The following THAP9 variants were observed in gnomAD, a reference collection of about 807,000 sequenced individuals.
THAP9 encodes the protein THAP domain containing 9.
A neutral mutation model predicts 35.7 loss-of-function variants in THAP9; 20 were observed. The ratio of observed to expected loss-of-function variants is 0.56; its 90% CI spans 0.39 to 0.81. The LOEUF is 0.81. Ranked by LOEUF, THAP9 falls within the 40% of genes least tolerant of loss-of-function variation. The pLI, the probability that THAP9 is intolerant of heterozygous loss-of-function variation, is 0.00. For missense variants in THAP9, 870 were observed against 1,047.4 expected, an observed-to-expected ratio of 0.83 and a Z score of 2.34; for synonymous variants, 335 against 373.7, an observed-to-expected ratio of 0.90 and a Z score of 1.19.
chr4:82,909,543 T>C (rs1309699566), intron 4 of THAP9, among the ~76,000 whole-genome samples: 2 of 152,156 alleles, frequency 1.3e-5, no homozygotes, highest in Non-Finnish European at 2.9e-5. Context: ...TGTAACGTTA[T>C]TTTGAACTCT....
In THAP9 at chr4:82,917,029, C is replaced by T. The variant is rs564924897; in HGVS notation, c.817C>T (p.Leu273Phe). ...ACGAAGAGTAGAGAATGGAGATCAG[C>T]TCTATCAATACTGTTCATTGTTAAT... The part of the protein sequence containing the change: ...LQRRVENGDQ[L>F]YQYCSLLIKS... Residue 273 changes from leucine to phenylalanine, a missense_variant, in exon 5 of 5, where the codon CTC becomes TTC. By Grantham distance (22) the Leu-to-Phe change is conservative. This residue lies in a region of THAP9 where 440 missense variants were observed against 501.2 expected (regional missense o/e 0.88). Transcript: ENST00000302236. 3 of 1,602,078 alleles carry T rather than the reference C, an allele frequency of 1.9e-6. No homozygotes were observed. In the South Asian group the frequency reaches 3.4e-5, roughly 18 times the overall value.
intron 4 of THAP9, among the ~76,000 whole-genome samples, chr4:82,916,028 A>G (rs1301300250): frequency 6.6e-6 from 1 of 152,212 alleles, no homozygotes; most frequent in Admixed American, 6.5e-5. Flanking sequence ...GAAGAACATT[A>G]AACTCTCAAT....
At position 82,918,306 on chromosome 4, in the gene THAP9, T is replaced by C; in HGVS notation, c.2094T>C (p.His698=). The C allele has an allele frequency of 6.2e-7, 1 of 1,614,172 alleles. No homozygotes were observed. Residue 698 remains histidine (H), a synonymous_variant, in exon 5 of 5, where the codon CAT becomes CAC. Transcript: ENST00000302236. ...AGGGTATTTGTCAAGACTGGTCTCA[T>C]TGTTCACTAAGTGAGGCATTACTAG... ...HEEGICQDWS[H]CSLSEALLDL...
Position 82,900,882 on chromosome 4 carries a change from A to C in THAP9, c.80A>C (p.Gln27Pro). Residue 27 changes from glutamine (Q) to proline (P), a missense_variant and splice_region_variant, in exon 1 of 5, where the codon CAA becomes CCA. Transcript: ENST00000302236. ...CGGGAGCGCGGCCTCTCCTTCCACCAGTGCGTATGGGAGCAGCCTCGAAGC... is the reference window on the plus strand; with the variant it reads ...CGGGAGCGCGGCCTCTCCTTCCACCCGTGCGTATGGGAGCAGCCTCGAAGC... ...LSRERGLSFH[Q>P]FPTDTIQRSK... is the part of the protein sequence containing the mutation. 1 of 1,613,266 alleles carries C rather than the reference A, an allele frequency of 6.2e-7. No individual in the cohort carries two copies. Among genetic ancestry groups the C allele is most frequent in the Non-Finnish European group, 8.5e-7 (1 of 1,179,972 alleles).
At chr4:82,904,691 C>CTATTACAGTAG in intron 1 of THAP9, 45 bp from the exon 2 acceptor site, 1 of 1,537,154 alleles carries the variant, frequency 6.5e-7, no homozygotes, top group Non-Finnish European at 9.0e-7. Context: ...TGTAATAGTA[C>CTATTACAGTAG]TATAATGTTT....
intron 4 of THAP9, among the ~76,000 whole-genome samples, chr4:82,916,467 G>C (rs1012213985): frequency 6.6e-6 from 1 of 152,138 alleles, no homozygotes; most frequent in African/African-American, 2.4e-5. Context: ...GGAAAGCCAG[G>C]TTTCACATTC....
intron 4 of THAP9, among the ~76,000 whole-genome samples, chr4:82,916,533 A>C (rs1484159065): frequency 2.0e-5 from 3 of 152,244 alleles, no homozygotes; most frequent in Non-Finnish European, 4.4e-5. Flanking sequence ...CCTCTGTCCC[A>C]GTTTCCTAAT....
chr4:82,900,825 T>C lies in THAP9; in HGVS notation c.23T>C (p.Val8Ala). Reference protein sequence around the residue: MTRSCSAVGCSTRDTVLS... With the variant: MTRSCSAAGCSTRDTVLS... The stretch of plus-strand genomic sequence containing the variant: ...AAGATGACCCGAAGTTGCTCCGCAG[T>C]GGGCTGCAGCACCCGTGACACCGTG... The change falls in exon 1 of 5, where the codon GTG (valine) becomes GCG (alanine). Residue 8 changes from valine to alanine, a missense_variant. Transcript: ENST00000302236. 3 of 1,613,658 alleles carry C rather than the reference T, an allele frequency of 1.9e-6. No homozygotes were observed. The highest frequency in any genetic ancestry group is 1.3e-5 in the African/African-American group (1 of 75,072).
chr4:82,918,804 T>C lies in THAP9; in HGVS notation c.2592T>C (p.Asp864=). ...NPLKHHSERT[D]MKTLSRKHWS... ...TAAAACATCATTCAGAGAGAACTGA[T>C]ATGAAAACTTTATCAAGGAAACACT... The change falls in exon 5 of 5, where the codon GAT becomes GAC. Residue 864 remains aspartate, a synonymous_variant. Transcript: ENST00000302236. The C allele has an allele frequency of 6.2e-7, 1 of 1,613,810 alleles. No individual in the cohort carries two copies. Among genetic ancestry groups the C allele is most frequent in the Non-Finnish European group, 8.5e-7 (1 of 1,179,882 alleles).
Position 82,918,744 on chromosome 4 carries a change from A to C in THAP9, c.2532A>C (p.Leu844Phe), listed in dbSNP as rs1196471620. The C allele has an allele frequency of 1.9e-6, 3 of 1,613,936 alleles. No homozygotes were observed. Among genetic ancestry groups the C allele is most frequent in the South Asian group, 2.2e-5 (2 of 91,066 alleles). Residue 844 changes from leucine (L) to phenylalanine (F), a missense_variant, in exon 5 of 5, where the codon TTA becomes TTC. Leu to Phe is a conservative substitution (Grantham distance 22). Transcript: ENST00000302236. ...KLLKDIIICF[L>F]NIRAKNVAQN... ...TAAAGGATATAATAATCTGTTTCTT[A>C]AATATCAGAGCTAAAAATGTTGCAC...
At position 82,917,342 on chromosome 4, in the gene THAP9, C is replaced by G; in HGVS notation, c.1130C>G (p.Ala377Gly). 6.2e-7 allele frequency: 1 copy of G among 1,613,444 alleles called. No homozygotes were observed. The highest frequency in any genetic ancestry group is 8.5e-7 in the Non-Finnish European group (1 of 1,179,516). ...TVLAVTSDAT[A>G]HSVQMAKALG... Reference sequence around the variant, plus strand: ...CTGGCTGTTACATCTGATGCCACAGCACATAGTGTTCAGATGGCAAAAGCA... The same window carrying G: ...CTGGCTGTTACATCTGATGCCACAGGACATAGTGTTCAGATGGCAAAAGCA... Residue 377 changes from alanine to glycine, a missense_variant, in exon 5 of 5, where the codon GCA (alanine) becomes GGA (glycine). Physicochemically the swap from Ala to Gly is moderately conservative, Grantham distance 60 (BLOSUM62 0). Coordinates refer to ENST00000302236, the MANE Select transcript of THAP9 (RefSeq NM_024672.6).
Position 82,910,581 on chromosome 4 carries a change from T to C in THAP9, c.731+2646T>C, listed in dbSNP as rs893753575. The C allele has an allele frequency of 1.7e-5, 5 of 287,520 alleles. No individual in the cohort carries two copies. In the Admixed American group the frequency reaches 2.3e-4, roughly 13 times the overall value. 17.8% of individuals were successfully genotyped at this position (287,520 alleles called of 1,614,324 possible). ...ATAAGATTCTTATATTAATGGTATATACGTTTCCATTTATTTTCCCATATA... is the reference window on the plus strand; with the variant it reads ...ATAAGATTCTTATATTAATGGTATACACGTTTCCATTTATTTTCCCATATA... On this transcript the variant is annotated intron_variant, in intron 4 of 4. Coordinates refer to ENST00000302236, the MANE Select transcript of THAP9 (RefSeq NM_024672.6).
At chr4:82,901,639 C>T (rs1002966917) in intron 1 of THAP9, among the ~76,000 whole-genome samples, 2 of 151,718 alleles carry the variant, frequency 1.3e-5, no homozygotes, top group Non-Finnish European at 2.9e-5. Context: ...CCTGAGAAAC[C>T]ATTTTAAAAA....
At position 82,900,788 on chromosome 4, in the gene THAP9, C is replaced by T. The variant is rs772536106; in HGVS notation, c.-15C>T. Reference sequence around the variant, plus strand: ...TCGCGGGAACCCCGAAGGTGGGGCCCCACGTAACAAGAAGATGACCCGAAG... The same window carrying T: ...TCGCGGGAACCCCGAAGGTGGGGCCTCACGTAACAAGAAGATGACCCGAAG... On this transcript the variant is annotated 5_prime_UTR_variant, in exon 1 of 5. Transcript: ENST00000302236. 4 of 1,613,522 alleles carry T rather than the reference C, an allele frequency of 2.5e-6. No individual in the cohort carries two copies. The highest frequency in any genetic ancestry group is 2.2e-5 in the South Asian group (2 of 91,078).
chr4:82,905,874 G>A, intron 2 of THAP9: 1 of 456,082 alleles, frequency 2.2e-6, no homozygotes, highest in South Asian at 1.5e-5. Context: ...AGGACACAAG[G>A]GATTGTAGAG....
At chr4:82,901,710 A>ATTTTT (rs34317153) in intron 1 of THAP9, among the ~76,000 whole-genome samples, 1 of 148,986 alleles carries the variant, frequency 6.7e-6, no homozygotes, top group Non-Finnish European at 1.5e-5. Context: ...AAATTCATTG[A>ATTTTT]TTTTTTTTTT....
Position 82,919,717 on chromosome 4 carries a change from C to G in THAP9, c.*793C>G, listed in dbSNP as rs1356603008. On this transcript the variant is annotated 3_prime_UTR_variant, in exon 5 of 5. Transcript: ENST00000302236. ...TCTGAAGATGGAAGCATACTAAGGA[C>G]AATTTTCTCCACTCACATCCACATT... The G allele has an allele frequency of 6.6e-6, 1 of 152,188 alleles. No homozygotes were observed. Among genetic ancestry groups the G allele is most frequent in the East Asian group, 1.9e-4 (1 of 5,202 alleles). 9.4% of individuals were successfully genotyped at this position (152,188 alleles called of 1,614,324 possible).
At chr4:82,903,487 G>C (rs1325551510) in intron 1 of THAP9, 4 of 152,214 alleles carry the variant, frequency 2.6e-5, no homozygotes, top group African/African-American at 4.8e-5. Flanking sequence ...CTCCCAAAGT[G>C]TTGGGATTAC....
At position 82,918,723 on chromosome 4, in the gene THAP9, G is replaced by A; in HGVS notation, c.2511G>A (p.Lys837=). 6.2e-7 allele frequency: 1 copy of A among 1,613,872 alleles called. No individual in the cohort carries two copies. The highest frequency in any genetic ancestry group is 8.5e-7 in the Non-Finnish European group (1 of 1,179,906). The part of the protein sequence containing the change: ...CAINHFVKLL[K]DIIICFLNIR... ...TCAATCACTTTGTCAAGTTGCTAAA[G>A]GATATAATAATCTGTTTCTTAAATA... Residue 837 remains lysine, a synonymous_variant, in exon 5 of 5, where the codon AAG becomes AAA. Coordinates refer to ENST00000302236, the MANE Select transcript of THAP9 (RefSeq NM_024672.6).
Sources: gnomAD v4.1 joint callset for allele counts (sites outside exome capture counted in the v4.1 genomes callset) on GRCh38, gnomAD v4.1.1 for gene constraint, gnomAD v4.1.1 regional missense constraint, MANE v1.5 for transcripts, NCBI Gene and HGNC (gene_info 2026-07-23, HGNC 2026-07-21) for gene names.